Variants in ZBTB45 observed in about 807,000 individuals in gnomAD.
ZBTB45 encodes the protein zinc finger and BTB domain containing 45, also known as zinc finger and BTB domain-containing protein 45.
A neutral mutation model predicts 28.4 loss-of-function variants in ZBTB45; 22 were observed. The observed-to-expected ratio is 0.77, with a 90% confidence interval of 0.55 to 1.10. The LOEUF is 1.10. Ranked by LOEUF, ZBTB45 falls within the 50% of genes least tolerant of loss-of-function variation. The pLI is 0.00. For missense variants in ZBTB45, 656 were observed against 750.2 expected, an observed-to-expected ratio of 0.87 and a Z score of 1.47; for synonymous variants, 361 against 332.3, an observed-to-expected ratio of 1.09 and a Z score of -0.94.
rs1490239646 is a variant in ZBTB45 at position 58,514,183 on chromosome 19, C to T, written c.1407G>A (p.Thr469=). ...FQCAVCAKRF[T]QKSSLNVHMR... ...TGTGCACGTTGAGCGAGCTCTTCTG[C>T]GTGAAGCGCTTGGCGCAGACGGCGC... is the stretch of plus-strand genomic sequence containing the variant. Residue 469 remains threonine (T), a synonymous_variant, in exon 3 of 3, where the codon ACG becomes ACA. Coordinates refer to ENST00000594051, the MANE Select transcript of ZBTB45 (RefSeq NM_001316979.2). 4.3e-6 allele frequency: 7 copies of T among 1,612,410 alleles called. No individual in the cohort carries two copies. Among genetic ancestry groups the T allele is most frequent in the African/African-American group, 1.3e-5 (1 of 75,016 alleles).
intron 1 of ZBTB45, among the ~76,000 whole-genome samples, chr19:58,530,873 T>C (rs1056632397): frequency 3.3e-5 from 5 of 151,998 alleles, no homozygotes; most frequent in African/African-American, 7.3e-5. Flanking sequence ...TTAGTAGAGA[T>C]GGGATTTCAC....
At chr19:58,532,654 C>T (rs2053640799) in intron 1 of ZBTB45, among the ~76,000 whole-genome samples, 1 of 152,128 alleles carries the variant, frequency 6.6e-6, no homozygotes, top group Non-Finnish European at 1.5e-5. Flanking sequence ...TCAAGCAATT[C>T]TCCTGCCTCA....
chr19:58,516,568 G>A lies in ZBTB45; in HGVS notation c.1106C>T (p.Ala369Val), dbSNP rs1458302276. ...GACCTCCCCCAGCTGAGTACTGGGG[G>A]CTGCCTCGGGCTGGAGTGTGGGGTA... Reference protein sequence around the residue: ...AFYPTLQPEAAPSTQLGEVPA... With the variant: ...AFYPTLQPEAVPSTQLGEVPA... The change falls in exon 2 of 3, where the codon GCC becomes GTC. Residue 369 changes from alanine (A) to valine (V), a missense_variant. Ala to Val is a moderately conservative substitution (Grantham distance 64). Around this residue, in one of 3 missense-constraint regions of ZBTB45, gnomAD observed 448 missense variants for 444.3 expected, o/e 1.01. Transcript: ENST00000594051. The surrounding 1 kb of genome is among the most constrained non-coding windows in gnomAD (Gnocchi z 6.2). 4 of 1,592,048 alleles carry A rather than the reference G, an allele frequency of 2.5e-6. No homozygotes were observed. In the South Asian group the frequency reaches 3.4e-5, roughly 14 times the overall value.
chr19:58,533,469 T>G (rs906234981), intron 1 of ZBTB45, among the ~76,000 whole-genome samples: 6 of 151,964 alleles, frequency 3.9e-5, no homozygotes, highest in Non-Finnish European at 1.5e-5. Context: ...AAGACTGGAG[T>G]GATGCAGTGA....
At chr19:58,524,934 G>A (rs1044181530) in intron 1 of ZBTB45, among the ~76,000 whole-genome samples, 1 of 152,100 alleles carries the variant, frequency 6.6e-6, no homozygotes, top group Admixed American at 6.6e-5. Context: ...GCCTGAGATG[G>A]GAAATGGTGG....
upstream of ZBTB45, among the ~76,000 whole-genome samples, chr19:58,521,868 A>G (rs373361974): frequency 1.6e-4 from 25 of 152,202 alleles, no homozygotes; most frequent in African/African-American, 5.5e-4. Context: ...GAAAGAGGGA[A>G]CCAACTGTCC....
At chr19:58,538,447 C>A (rs904571364) in intron 1 of ZBTB45, among the ~76,000 whole-genome samples, 43 of 152,132 alleles carry the variant, frequency 2.8e-4, no homozygotes, top group African/African-American at 1.0e-3. Flanking sequence ...TATGAAGGGG[C>A]AGGCTGGGCG....
At chr19:58,514,338 G>C in intron 2 of ZBTB45, 28 bp from the exon 3 acceptor site, 5 of 1,578,300 alleles carry the variant, frequency 3.2e-6, no homozygotes, top group Non-Finnish European at 4.3e-6. Flanking sequence ...GGCCGCGAAC[G>C]CAAGTCAGAC....
chr19:58,535,172 T>A (rs1568653030), intron 1 of ZBTB45, among the ~76,000 whole-genome samples: 1 of 151,404 alleles, frequency 6.6e-6, no homozygotes, highest in Non-Finnish European at 1.5e-5. Context: ...TGCCCAGCCT[T>A]AATTTTTGTA....
chr19:58,528,567 C>G (rs1208302558), intron 1 of ZBTB45, among the ~76,000 whole-genome samples: 1 of 151,674 alleles, frequency 6.6e-6, no homozygotes, highest in Non-Finnish European at 1.5e-5. Flanking sequence ...CAAGACCAGC[C>G]TGACCAACAG....
intron 1 of ZBTB45, among the ~76,000 whole-genome samples, chr19:58,531,823 C>T (rs2053636919): frequency 6.6e-6 from 1 of 152,152 alleles, no homozygotes; most frequent in African/African-American, 2.4e-5. Context: ...TCAGGTTTGG[C>T]ATCTATGTCC....
chr19:58,522,200 C>A (rs1232202210), upstream of ZBTB45, among the ~76,000 whole-genome samples: 1 of 150,328 alleles, frequency 6.7e-6, no homozygotes, highest in Non-Finnish European at 1.5e-5. Flanking sequence ...TCGCTCTTGT[C>A]CCCCAGGCTG....
intron 2 of ZBTB45, among the ~76,000 whole-genome samples, chr19:58,514,898 A>T (rs1358548702): frequency 6.6e-6 from 1 of 152,172 alleles, no homozygotes; most frequent in Non-Finnish European, 1.5e-5. Context: ...TTCCTGCAGG[A>T]AGCCCCAGTT....
intron 1 of ZBTB45, among the ~76,000 whole-genome samples, chr19:58,538,362 G>A (rs2053672390): frequency 6.6e-6 from 1 of 152,136 alleles, no homozygotes; most frequent in African/African-American, 2.4e-5. Context: ...TATTATCAGA[G>A]GAAGGAAGCC....
chr19:58,516,045 G>T lies in ZBTB45; in HGVS notation c.1279+350C>A, dbSNP rs1293186958. Among the ~76,000 whole-genome samples the T allele has an allele frequency of 1.3e-5, 2 of 152,072 alleles. No homozygotes were observed. The highest frequency in any genetic ancestry group is 1.3e-4 in the Admixed American group (2 of 15,270). On this transcript the variant is annotated intron_variant, in intron 2 of 2. Transcript: ENST00000594051. This position sits in a 1 kb window ranked among gnomAD's most constrained non-coding sequence, Gnocchi z 6.2. ...CCAGAGAGACACAGGAGGCTCCCTG[G>T]AGCATAGTTTCCCAACCTGCCAGGA...
Position 58,517,482 on chromosome 19 carries a change from GAGC to G in ZBTB45, c.189_191del (p.Leu64del). On this transcript the variant is annotated inframe_deletion, in exon 2 of 3. Coordinates refer to ENST00000594051, the MANE Select transcript of ZBTB45 (RefSeq NM_001316979.2). ...GAGGCACACGGATCTCAGAGTGGCC[GAGC>G]AGCAGCTTGTCTTGGAAGAAGGGTG... 6 of 1,613,240 alleles carry G rather than the reference GAGC, an allele frequency of 3.7e-6. No individual in the cohort carries two copies. Among genetic ancestry groups the G allele is most frequent in the Non-Finnish European group, 4.2e-6 (5 of 1,179,984 alleles).
At chr19:58,528,286 C>T (rs749477015) in intron 1 of ZBTB45, among the ~76,000 whole-genome samples, 9 of 152,096 alleles carry the variant, frequency 5.9e-5, no homozygotes, top group Non-Finnish European at 8.8e-5. Flanking sequence ...TTGGGACACC[C>T]AGGCGCTCAT....
chr19:58,530,669 T>C (rs1302073525), intron 1 of ZBTB45, among the ~76,000 whole-genome samples: 1 of 151,306 alleles, frequency 6.6e-6, no homozygotes, highest in Non-Finnish European at 1.5e-5. Flanking sequence ...TGTTTGAACA[T>C]CTGTTTTCTT....
At chr19:58,536,559 C>A (rs2053661472) in intron 1 of ZBTB45, among the ~76,000 whole-genome samples, 1 of 151,754 alleles carries the variant, frequency 6.6e-6, no homozygotes, top group Non-Finnish European at 1.5e-5. Context: ...AGGAGAATCG[C>A]TTGAACTCAG....
Sources: allele counts gnomAD v4.1 joint callset (sites outside exome capture counted in the v4.1 genomes callset), GRCh38; gene constraint gnomAD v4.1.1; regional missense constraint gnomAD v4.1.1; non-coding constraint Gnocchi (gnomAD v3.1); transcripts MANE v1.5; gene names NCBI Gene and HGNC (gene_info 2026-07-23, HGNC 2026-07-21).